The following SGSM1 variants were observed in gnomAD, a reference collection of about 807,000 sequenced individuals.
SGSM1 encodes small G protein signaling modulator 1.
A neutral mutation model predicts 133.8 loss-of-function variants in SGSM1; 73 were observed. The ratio of observed to expected loss-of-function variants is 0.55; its 90% CI spans 0.45 to 0.66. SGSM1 has a LOEUF of 0.66. Among genes scored for constraint, SGSM1 ranks in the 30% least tolerant of loss-of-function variants. The probability of loss-of-function intolerance (pLI) is 0.00; values close to 1 mark genes in which losing one functional copy is unlikely to be tolerated. For missense variants in SGSM1, 1,213 were observed against 1,448.1 expected (o/e 0.84, Z 2.64); for synonymous variants, 563 against 573.0 (o/e 0.98, Z 0.25).
chr22:24,872,624 A>C (rs1417957496), intron 12 of SGSM1, among the ~76,000 whole-genome samples: 4 of 152,230 alleles, frequency 2.6e-5, no homozygotes, highest in Non-Finnish European at 5.9e-5. Flanking sequence ...TGGCTACAAA[A>C]ATTTTTAAAT....
chr22:24,845,146 C>T (rs893836826), intron 3 of SGSM1, among the ~76,000 whole-genome samples, 174 bp downstream of exon 3: 1 of 152,076 alleles, frequency 6.6e-6, no homozygotes, highest in Non-Finnish European at 1.5e-5. Flanking sequence ...TTAAAAATGA[C>T]TTCTGTACCC....
At chr22:24,885,940 G>C (rs557307993) in intron 15 of SGSM1, among the ~76,000 whole-genome samples, 1 of 152,334 alleles carries the variant, frequency 6.6e-6, no homozygotes, top group South Asian at 2.1e-4. Flanking sequence ...AAGCAGGACT[G>C]CTGGACCACG....
intron 20 of SGSM1, among the ~76,000 whole-genome samples, chr22:24,904,577 C>A (rs367662103): frequency 6.5e-3 from 746 of 114,690 alleles, no homozygotes; most frequent in East Asian, 9.8e-3. Flanking sequence ...GACTCCGTCT[C>A]AAAAAAAAAA....
chr22:24,918,729 CT>C (rs917931580), intron 23 of SGSM1, among the ~76,000 whole-genome samples: 29 of 145,790 alleles, frequency 2.0e-4, no homozygotes, highest in African/African-American at 3.5e-4. Context: ...GCTTGCTTTT[CT>C]TTTTTTTTTT....
At chr22:24,890,129 TGTATTTTTA>T (rs934127140) in intron 16 of SGSM1, among the ~76,000 whole-genome samples, 1 of 152,006 alleles carries the variant, frequency 6.6e-6, no homozygotes, top group Non-Finnish European at 1.5e-5. Context: ...GCTAATTTTT[TGTATTTTTA>T]GCAGAGACAG....
intron 16 of SGSM1, among the ~76,000 whole-genome samples, chr22:24,887,138 T>TGTGTGTG (rs1601956574): frequency 4.0e-5 from 6 of 148,498 alleles, no homozygotes; most frequent in East Asian, 2.0e-4. Context: ...TGTGTGTGTG[T>TGTGTGTG]TTTCTCTGCA....
intron 3 of SGSM1, among the ~76,000 whole-genome samples, chr22:24,845,940 CTTT>C (rs1198206756): frequency 7.7e-6 from 1 of 130,718 alleles, no homozygotes; most frequent in Admixed American, 7.6e-5. Flanking sequence ...CTTTTCTTTT[CTTT>C]TCTTTCTTTC....
At chr22:24,854,762 G>A (rs986218290) in intron 5 of SGSM1, among the ~76,000 whole-genome samples, 8 of 152,190 alleles carry the variant, frequency 5.3e-5, no homozygotes, top group African/African-American at 1.2e-4. Context: ...GTTACAGTGC[G>A]CTTTGATTGT....
At chr22:24,904,319 GC>G (rs1277383820) in intron 20 of SGSM1, among the ~76,000 whole-genome samples, 5 of 152,006 alleles carry the variant, frequency 3.3e-5, no homozygotes, top group Non-Finnish European at 7.4e-5. Context: ...AGTGTCTCAC[GC>G]CTGTAATCCC....
intron 12 of SGSM1, among the ~76,000 whole-genome samples, chr22:24,875,030 G>T (rs1209696207): frequency 6.6e-6 from 1 of 152,196 alleles, no homozygotes; most frequent in African/African-American, 2.4e-5. Context: ...TTCTGTCTGT[G>T]GGTAGGGGCT....
chr22:24,829,182 T>A (rs62232201), intron 2 of SGSM1, among the ~76,000 whole-genome samples: 18,999 of 147,776 alleles, frequency 0.13, 1,377 homozygotes, highest in East Asian at 0.21. Flanking sequence ...GGCGAGAGAG[T>A]GAGGCTCCAT....
At chr22:24,821,792 T>C (rs1928486890) in intron 2 of SGSM1, among the ~76,000 whole-genome samples, 1 of 152,194 alleles carries the variant, frequency 6.6e-6, no homozygotes, top group Admixed American at 6.5e-5. Context: ...TTATAGGTTC[T>C]CAGAAAAGCT....
chr22:24,822,049 G>A (rs1213825248), intron 2 of SGSM1, among the ~76,000 whole-genome samples: 1 of 149,638 alleles, frequency 6.7e-6, no homozygotes, highest in African/African-American at 2.5e-5. Context: ...TGTTTCCACT[G>A]CCCTGCAAAC....
chr22:24,815,541 G>A (rs1330896064), intron 2 of SGSM1, among the ~76,000 whole-genome samples: 1 of 152,098 alleles, frequency 6.6e-6, no homozygotes, highest in East Asian at 1.9e-4. Flanking sequence ...AGGAGATCAG[G>A]ACCATCCTGG....
intron 2 of SGSM1, among the ~76,000 whole-genome samples, chr22:24,826,942 A>C (rs1928832849): frequency 6.6e-6 from 1 of 152,126 alleles, no homozygotes. Flanking sequence ...GTCACCCAGC[A>C]AATGGCAGAG....
chr22:24,854,581 G>A (rs1228337531), intron 5 of SGSM1, among the ~76,000 whole-genome samples: 5 of 152,208 alleles, frequency 3.3e-5, no homozygotes, highest in Non-Finnish European at 5.9e-5. Context: ...GGAGGCCAAG[G>A]TGGTGGGATC....
chr22:24,898,216 T>C lies in SGSM1; in HGVS notation c.2267T>C (p.Val756Ala), dbSNP rs1486593009. 1 of 1,613,484 alleles carries C rather than the reference T, an allele frequency of 6.2e-7. No homozygotes were observed. The change falls in exon 19 of 25, where the codon GTG (valine) becomes GCG (alanine). Residue 756 changes from valine to alanine, a missense_variant. Physicochemically the swap from Val to Ala is moderately conservative, Grantham distance 64. Coordinates refer to ENST00000400358, the MANE Select transcript of SGSM1 (RefSeq NM_001098497.3). ...GTGCTGCGACCTAGGGATGGCAGCG[T>C]GGATGACAGGCAGAGCAGCGAGGCC... is the stretch of plus-strand genomic sequence containing the variant. ...PTVLRPRDGS[V>A]DDRQSSEATT...
rs977006231 is a variant in SGSM1, at chr22:24,844,784, C to T, written c.64-113C>T. Reference sequence around the variant, plus strand: ...GAAGGAAAGCAGGTGTCAAAACATCCCAAACAGCCTGAAAGGCCTTGTGGG... The same window carrying T: ...GAAGGAAAGCAGGTGTCAAAACATCTCAAACAGCCTGAAAGGCCTTGTGGG... On this transcript the variant is annotated intron_variant, in intron 2 of 24. Coordinates refer to ENST00000400358, the MANE Select transcript of SGSM1 (RefSeq NM_001098497.3). The T allele has an allele frequency of 1.8e-5, 16 of 876,152 alleles. No individual in the cohort carries two copies. The East Asian group carries it at 3.3e-4, about 18-fold the overall frequency. The allele number at this position is 876,152 out of a possible 1,614,324, so 54.3% of individuals were successfully genotyped here. A position where few individuals can be genotyped will look rare whatever the true frequency, so the allele number is the denominator to read the frequency against.
intron 2 of SGSM1, among the ~76,000 whole-genome samples, chr22:24,825,967 C>T (rs1928777806): frequency 6.6e-6 from 1 of 152,148 alleles, no homozygotes; most frequent in Non-Finnish European, 1.5e-5. Flanking sequence ...GAGCAGGGGA[C>T]AGCTGGCCCG....
Sources: gnomAD v4.1 joint callset for allele counts (sites outside exome capture counted in the v4.1 genomes callset) on GRCh38, gnomAD v4.1.1 for gene constraint, MANE v1.5 for transcripts, NCBI Gene and HGNC (gene_info 2026-07-23, HGNC 2026-07-21) for gene names.